Variants in SLC66A3 observed in about 807,000 individuals in gnomAD.
The protein encoded by SLC66A3 is solute carrier family 66 member 3, also known as PQ loop repeat containing 3.
In SLC66A3, 23 loss-of-function variants were observed where a neutral mutation model predicts 25.5. That is an observed-to-expected ratio of 0.90 (90% CI 0.65 to 1.28). SLC66A3 has a LOEUF of 1.28. Ranked by LOEUF, SLC66A3 falls within the 50% of genes most tolerant of loss-of-function variation. SLC66A3 has a pLI of 0.00. For missense variants in SLC66A3, 246 were observed against 262.1 expected (o/e 0.94, Z 0.42); for synonymous variants, 108 against 112.6 (o/e 0.96, Z 0.26).
rs751323952 is a variant in SLC66A3, at chr2:11,177,835, C to T, written c.*7C>T. On this transcript the variant is annotated 3_prime_UTR_variant, in exon 7 of 7. Transcript: ENST00000295083. The stretch of plus-strand genomic sequence containing the variant: ...CGCTATAAAGGCTGAATGATGGATA[C>T]ATTATTCCTTCACACAGTGGATTTT... 1.2e-5 allele frequency: 19 copies of T among 1,532,226 alleles called. No individual in the cohort carries two copies. Among genetic ancestry groups the T allele is most frequent in the Non-Finnish European group, 1.7e-5 (19 of 1,107,460 alleles). 94.9% of individuals were successfully genotyped at this position (1,532,226 alleles called of 1,614,324 possible). A position where few individuals can be genotyped will look rare whatever the true frequency, so the allele number is the denominator to read the frequency against.
intron 6 of SLC66A3, among the ~76,000 whole-genome samples, chr2:11,176,750 G>A (rs953151587): frequency 9.0e-5 from 12 of 132,638 alleles, no homozygotes; most frequent in Non-Finnish European, 1.8e-4. Flanking sequence ...GGATGGTCTC[G>A]ATCTCCTGAC....
At chr2:11,176,525 C>CT (rs775778444) in intron 6 of SLC66A3, among the ~76,000 whole-genome samples, 2,321 of 87,302 alleles carry the variant, frequency 0.027, 122 homozygotes, top group African/African-American at 0.045. Flanking sequence ...CTGGGAATAA[C>CT]TTTTTTTTTT....
intron 6 of SLC66A3, among the ~76,000 whole-genome samples, chr2:11,175,938 A>T (rs1262198949): frequency 6.6e-6 from 1 of 152,210 alleles, no homozygotes; most frequent in African/African-American, 2.4e-5. Flanking sequence ...CCTGGAGGTT[A>T]TACCTTTGCT....
chr2:11,168,613 G>A (rs1203664126), intron 4 of SLC66A3, among the ~76,000 whole-genome samples: 1 of 152,110 alleles, frequency 6.6e-6, no homozygotes, highest in Non-Finnish European at 1.5e-5. Flanking sequence ...ACCCCGCCGA[G>A]CCTGTGTTCT....
intron 4 of SLC66A3, 116 bp downstream of exon 4, chr2:11,164,377 T>C (rs1662240582): frequency 5.8e-6 from 1 of 172,104 alleles, no homozygotes; most frequent in Non-Finnish European, 1.2e-5. Flanking sequence ...GTTTCACTCT[T>C]GTTGCCCAGG....
At chr2:11,155,755 G>A in intron 1 of SLC66A3, 66 bp downstream of exon 1, 1 of 1,294,800 alleles carries the variant, frequency 7.7e-7, no homozygotes, top group Non-Finnish European at 9.8e-7. Flanking sequence ...GGGAGCCCAG[G>A]AGAGCCTCGG....
chr2:11,168,880 CAG>C (rs936255057), intron 4 of SLC66A3, among the ~76,000 whole-genome samples: 8 of 151,690 alleles, frequency 5.3e-5, no homozygotes, highest in Admixed American at 4.6e-4. Flanking sequence ...TCTTGTGAGA[CAG>C]AGTCTGACCC....
At chr2:11,159,860 T>C (rs1445129755) in intron 1 of SLC66A3, among the ~76,000 whole-genome samples, 1 of 152,196 alleles carries the variant, frequency 6.6e-6, no homozygotes, top group African/African-American at 2.4e-5. Context: ...CGCAGCATCC[T>C]CACAGCCGGA....
chr2:11,159,325 C>T (rs1018332168), intron 1 of SLC66A3, among the ~76,000 whole-genome samples: 1 of 152,136 alleles, frequency 6.6e-6, no homozygotes, highest in Admixed American at 6.5e-5. Context: ...AGAGTCCCTG[C>T]GGCAGGGCAG....
At chr2:11,167,375 G>A (rs575898492) in intron 4 of SLC66A3, among the ~76,000 whole-genome samples, 4 of 152,172 alleles carry the variant, frequency 2.6e-5, no homozygotes, top group East Asian at 1.9e-4. Context: ...CCCGGGAGGC[G>A]GAGGTTGCAG....
At chr2:11,168,063 A>G (rs1360800683) in intron 4 of SLC66A3, among the ~76,000 whole-genome samples, 10 of 152,096 alleles carry the variant, frequency 6.6e-5, no homozygotes, top group African/African-American at 9.7e-5. Flanking sequence ...GGCGGATCAC[A>G]AGGTCAGGAG....
At position 11,155,685 on chromosome 2, in the gene SLC66A3, G is replaced by T; in HGVS notation, c.139G>T (p.Ala47Ser). ...LSLPSLLLEL[A>S]GFLVFLRYQC... ...CCTTCCGAGTTTACTTCTGGAGCTG[G>T]CAGGGTAAGGCCCGGGGCGGCCGGG... The change falls in exon 1 of 7, where the codon GCA becomes TCA. Residue 47 changes from alanine (A) to serine (S), a missense_variant. This residue lies in a region of SLC66A3 where 142 missense variants were observed against 130.3 expected (regional missense o/e 1.09). Coordinates refer to ENST00000295083, the MANE Select transcript of SLC66A3 (RefSeq NM_152391.5). 6.3e-6 allele frequency: 9 copies of T among 1,436,388 alleles called. No homozygotes were observed. The highest frequency in any genetic ancestry group is 4.4e-5 in the African/African-American group (3 of 68,082). 89.0% of individuals were successfully genotyped at this position (1,436,388 alleles called of 1,614,324 possible). A position where few individuals can be genotyped will look rare whatever the true frequency, so the allele number is the denominator to read the frequency against.
intron 4 of SLC66A3, among the ~76,000 whole-genome samples, chr2:11,169,837 CTTT>C (rs1186098636): frequency 1.5e-4 from 13 of 89,044 alleles, no homozygotes; most frequent in East Asian, 3.1e-4. Flanking sequence ...GGATTTCTCT[CTTT>C]TTTTTTTTTT....
Position 11,171,441 on chromosome 2 carries a change from CATAA to C in SLC66A3, c.355-469_355-466del, listed in dbSNP as rs571109865. Among the ~76,000 whole-genome samples the C allele has an allele frequency of 3.5e-3, 533 of 152,108 alleles. 3 individuals carry two copies. Among genetic ancestry groups the C allele is most frequent in the African/African-American group, 0.011 (463 of 41,466 alleles). On this transcript the variant is annotated intron_variant, in intron 4 of 6. Transcript: ENST00000295083. The stretch of plus-strand genomic sequence containing the variant: ...AGCCTGGGTGACAGAGTGAGACTGT[CATAA>C]ATAAATAAATAAATGTCTCACTATT...
In SLC66A3 at chr2:11,160,784, G is replaced by GT. The variant is rs1662094922; in HGVS notation, c.296+91dup. On this transcript the variant is annotated intron_variant, in intron 3 of 6. Transcript: ENST00000295083. The stretch of plus-strand genomic sequence containing the variant: ...TGAAGCAGGCTCCTTTACCAGATGT[G>GT]TATTTTTTGGTTAAACTAAAAAAAA... 7 of 1,523,230 alleles carry GT rather than the reference G, an allele frequency of 4.6e-6. No homozygotes were observed. In the South Asian group the frequency reaches 8.6e-5, roughly 19 times the overall value. The allele number at this position is 1,523,230 out of a possible 1,614,324, so 94.4% of individuals were successfully genotyped here.
rs990974344 is a variant in SLC66A3 at position 11,155,700 on chromosome 2, G to A, written c.143+11G>A. ...TCTGGAGCTGGCAGGGTAAGGCCCG[G>A]GGCGGCCGGGGCTGCCTCCTGCCCC... On this transcript the variant is annotated intron_variant, in intron 1 of 6. Transcript: ENST00000295083. 9 of 1,390,904 alleles carry A rather than the reference G, an allele frequency of 6.5e-6. No individual in the cohort carries two copies. The highest frequency in any genetic ancestry group is 3.3e-5 in the South Asian group (2 of 61,264). 86.2% of individuals were successfully genotyped at this position (1,390,904 alleles called of 1,614,324 possible).
At chr2:11,174,497 T>G (rs1218499253) in intron 5 of SLC66A3, among the ~76,000 whole-genome samples, 1 of 152,060 alleles carries the variant, frequency 6.6e-6, no homozygotes, top group Admixed American at 6.6e-5. Flanking sequence ...GTTTTTTGTT[T>G]TGTTTTGTTT....
At chr2:11,156,584 G>C (rs896942304) in intron 1 of SLC66A3, among the ~76,000 whole-genome samples, 2 of 152,094 alleles carry the variant, frequency 1.3e-5, no homozygotes, top group Non-Finnish European at 2.9e-5. Flanking sequence ...GGGTGCGGGG[G>C]AGAAAGAGGA....
intron 4 of SLC66A3, among the ~76,000 whole-genome samples, chr2:11,169,385 CAG>C (rs771586662): frequency 5.8e-4 from 89 of 152,182 alleles, no homozygotes; most frequent in Non-Finnish European, 1.0e-3. Context: ...CCAGGGGAGA[CAG>C]AAGGTAAACA....
Sources: allele counts gnomAD v4.1 joint callset (sites outside exome capture counted in the v4.1 genomes callset), GRCh38; gene constraint gnomAD v4.1.1; regional missense constraint gnomAD v4.1.1; transcripts MANE v1.5; gene names NCBI Gene and HGNC (gene_info 2026-07-23, HGNC 2026-07-21).